GATB: variants seen among roughly 807,000 people sequenced by gnomAD.
The protein encoded by GATB is glutamyl-tRNA(Gln) amidotransferase subunit B, mitochondrial.
In GATB, 39 loss-of-function variants were observed where a neutral mutation model predicts 62.3. The observed-to-expected ratio is 0.63, with a 90% CI of 0.48 to 0.82. The LOEUF is 0.82. Among genes scored for constraint, GATB ranks in the 40% least tolerant of loss-of-function variants. The pLI is 0.00. For missense variants in GATB, 670 were observed against 684.0 expected (o/e 0.98, Z 0.23); for synonymous variants, 276 against 258.9 (o/e 1.07, Z -0.63).
intron 2 of GATB, chr4:151,720,339 TC>T (rs758301989): frequency 9.9e-5 from 15 of 152,190 alleles, no homozygotes; most frequent in Non-Finnish European, 2.1e-4. Flanking sequence ...CAGGTTCAAA[TC>T]CCACTTCTGC....
At chr4:151,672,059 C>CTCTT (rs1373141010) in intron 12 of GATB, among the ~76,000 whole-genome samples, 13 of 152,194 alleles carry the variant, frequency 8.5e-5, no homozygotes, top group Non-Finnish European at 1.5e-5. Flanking sequence ...TTATCGAGAG[C>CTCTT]TCTTTACAGA....
rs925787126 is a variant in GATB, at chr4:151,678,034, AT to A, written c.1410+1778del. 19 of 151,954 alleles carry A rather than the reference AT, an allele frequency of 1.3e-4. 1 individual carries two copies. In the Admixed American group the frequency reaches 1.3e-3, roughly 10 times the overall value. 9.4% of individuals were successfully genotyped at this position (151,954 alleles called of 1,614,324 possible). On this transcript the variant is annotated intron_variant, in intron 11 of 12. Coordinates refer to ENST00000263985, the MANE Select transcript of GATB (RefSeq NM_004564.3). ...ATCTTTGTTTTTCTACATTACTTAT[AT>A]TTTTTTATGATCAACATATATTACT...
In GATB at chr4:151,742,262, G is replaced by C. The variant is rs566479662; in HGVS notation, c.327+16510C>G. Among the ~76,000 whole-genome samples, 15 of 152,024 alleles carry C rather than the reference G, an allele frequency of 9.9e-5. No individual in the cohort carries two copies. The East Asian group carries it at 2.9e-3, about 30-fold the overall frequency. Reference sequence around the variant, plus strand: ...CGCCATCGCACCCGGCTAATTTCTTGTATTTTTAGTAGAGACGGCATTTCA... The same window carrying C: ...CGCCATCGCACCCGGCTAATTTCTTCTATTTTTAGTAGAGACGGCATTTCA... On this transcript the variant is annotated intron_variant, in intron 2 of 12. Coordinates refer to ENST00000263985, the MANE Select transcript of GATB (RefSeq NM_004564.3).
At chr4:151,689,451 G>C (rs887994584) in intron 9 of GATB, among the ~76,000 whole-genome samples, 1 of 152,040 alleles carries the variant, frequency 6.6e-6, no homozygotes, top group Admixed American at 6.6e-5. Context: ...GCCTCTCATC[G>C]TTTCCTGGGG....
intron 5 of GATB, among the ~76,000 whole-genome samples, chr4:151,715,561 T>A (rs1359080591): frequency 6.6e-6 from 1 of 152,226 alleles, no homozygotes; most frequent in Non-Finnish European, 1.5e-5. Flanking sequence ...TAATCTTGGC[T>A]TATAGTCAAT....
intron 9 of GATB, among the ~76,000 whole-genome samples, chr4:151,696,658 T>C (rs573026966): frequency 3.9e-5 from 6 of 152,238 alleles, no homozygotes; most frequent in East Asian, 1.9e-4. Context: ...GCTGTAAGGA[T>C]AGATTAAAAA....
intron 9 of GATB, among the ~76,000 whole-genome samples, chr4:151,698,090 G>T (rs1466403146): frequency 6.6e-6 from 1 of 150,682 alleles, no homozygotes; most frequent in Non-Finnish European, 1.5e-5. Flanking sequence ...TCTCTGGGTT[G>T]TCAAAGCATG....
chr4:151,671,321 C>CTTAT lies in GATB; in HGVS notation c.1546-20_1546-19insATAA. On this transcript the variant is annotated intron_variant, in intron 12 of 12. Transcript: ENST00000263985. Reference sequence around the variant, plus strand: ...CCATTACCTAGAAGGACAGAAATTACTTACTTAAGAGGAGAAAATGAAGGG... The same window carrying CTTAT: ...CCATTACCTAGAAGGACAGAAATTACTTATTTACTTAAGAGGAGAAAATGAAGGG... 1 of 1,611,318 alleles carries CTTAT rather than the reference C, an allele frequency of 6.2e-7. No homozygotes were observed. Among genetic ancestry groups the CTTAT allele is most frequent in the African/African-American group, 1.3e-5 (1 of 74,696 alleles).
intron 3 of GATB, among the ~76,000 whole-genome samples, chr4:151,719,106 T>C (rs1738974478): frequency 6.6e-6 from 1 of 152,258 alleles, no homozygotes; most frequent in African/African-American, 2.4e-5. Context: ...TTAGCTTTTG[T>C]ACTAACAGGC....
intron 5 of GATB, among the ~76,000 whole-genome samples, chr4:151,711,381 C>T (rs184518182): frequency 3.9e-5 from 6 of 152,336 alleles, no homozygotes; most frequent in Admixed American, 3.9e-4. Flanking sequence ...CTCTGATCTA[C>T]CCCTTGCCTG....
At chr4:151,706,550 G>A (rs755698665) in intron 6 of GATB, among the ~76,000 whole-genome samples, 13 of 152,108 alleles carry the variant, frequency 8.5e-5, no homozygotes, top group African/African-American at 1.2e-4. Context: ...GTCCCTTTCC[G>A]GATGCAGAAC....
rs1737851063 is a variant in GATB, at chr4:151,671,200, T to G, written c.1648A>C (p.Ile550Leu). The change falls in exon 13 of 13, where the codon ATC (isoleucine) becomes CTC (leucine). Residue 550 changes from isoleucine to leucine, a missense_variant. Transcript: ENST00000263985. ...SRADPVMIKE[I>L]LEKKLSL ...CACAATGACAGCTTCTTCTCCAGGATCTCCTTTATCATGACTGGATCTGCT... is the reference window on the plus strand; with the variant it reads ...CACAATGACAGCTTCTTCTCCAGGAGCTCCTTTATCATGACTGGATCTGCT... The G allele has an allele frequency of 1.2e-6, 2 of 1,614,014 alleles. No homozygotes were observed. Among genetic ancestry groups the G allele is most frequent in the East Asian group, 4.5e-5 (2 of 44,888 alleles).
chr4:151,737,648 CAGGCCTGG>C (rs1484087513), intron 2 of GATB, among the ~76,000 whole-genome samples: 2 of 152,214 alleles, frequency 1.3e-5, no homozygotes, highest in South Asian at 4.1e-4. Context: ...CCTCTCATCA[CAGGCCTGG>C]AGGCCTAGGA....
intron 2 of GATB, among the ~76,000 whole-genome samples, chr4:151,726,324 T>TA (rs1406883555): frequency 1.3e-5 from 2 of 152,190 alleles, no homozygotes; most frequent in Non-Finnish European, 2.9e-5. Context: ...TCCGCACCCC[T>TA]ACACCACTTC....
At chr4:151,740,477 C>T (rs1405004840) in intron 2 of GATB, among the ~76,000 whole-genome samples, 1 of 152,182 alleles carries the variant, frequency 6.6e-6, no homozygotes, top group Non-Finnish European at 1.5e-5. Flanking sequence ...AACATATTGT[C>T]ATGTATTATG....
chr4:151,694,960 A>T (rs1229417639), intron 9 of GATB, among the ~76,000 whole-genome samples: 1 of 152,176 alleles, frequency 6.6e-6, no homozygotes, highest in Non-Finnish European at 1.5e-5. Context: ...TCAGAAACAA[A>T]GGATTATGAT....
At chr4:151,717,491 GGCT>G (rs1738937849) in intron 3 of GATB, among the ~76,000 whole-genome samples, 1 of 152,186 alleles carries the variant, frequency 6.6e-6, no homozygotes, top group Non-Finnish European at 1.5e-5. Context: ...TTGGAATGCT[GGCT>G]AAGCATTTTG....
intron 12 of GATB, among the ~76,000 whole-genome samples, chr4:151,672,201 GT>G (rs1219743720): frequency 6.6e-6 from 1 of 152,146 alleles, no homozygotes; most frequent in Non-Finnish European, 1.5e-5. Context: ...GATGCCACTC[GT>G]TTTAGCTTTT....
chr4:151,730,157 C>T lies in GATB; in HGVS notation c.328-10619G>A, dbSNP rs531131179. Among the ~76,000 whole-genome samples, 11 of 152,244 alleles carry T rather than the reference C, an allele frequency of 7.2e-5. No homozygotes were observed. The highest frequency in any genetic ancestry group is 1.5e-4 in the Non-Finnish European group (10 of 68,020). ...TGAGGCCTGTGACTGCCAGCTTTCC[C>T]CTTCTTCCCTGACAACCCGCATGAC... On this transcript the variant is annotated intron_variant, in intron 2 of 12. Coordinates refer to ENST00000263985, the MANE Select transcript of GATB (RefSeq NM_004564.3). This position sits in a 1 kb window ranked among gnomAD's most constrained non-coding sequence, Gnocchi z 4.1.
Sources: allele counts gnomAD v4.1 joint callset (sites outside exome capture counted in the v4.1 genomes callset), GRCh38; gene constraint gnomAD v4.1.1; non-coding constraint Gnocchi (gnomAD v3.1); transcripts MANE v1.5; gene names NCBI Gene and HGNC (gene_info 2026-07-23, HGNC 2026-07-21).